The following CNTNAP5 variants were observed in gnomAD, a reference collection of about 807,000 sequenced individuals.
The protein encoded by CNTNAP5 is contactin-associated protein-like 5.
In CNTNAP5, 72 loss-of-function variants were observed where a neutral mutation model predicts 150.2. The observed-to-expected ratio is 0.48, with a 90% confidence interval of 0.40 to 0.58. The LOEUF is 0.58. CNTNAP5 is among the 20% of genes least tolerant of loss of function. The pLI is 0.00. For missense variants in CNTNAP5, 1,636 were observed against 1,626.2 expected, an observed-to-expected ratio of 1.01 and a Z score of -0.10; for synonymous variants, 672 against 619.8, an observed-to-expected ratio of 1.08 and a Z score of -1.25.
intron 14 of CNTNAP5, among the ~76,000 whole-genome samples, chr2:124,748,419 C>T (rs1035451998): frequency 6.6e-6 from 1 of 152,100 alleles, no homozygotes; most frequent in African/African-American, 2.4e-5. Flanking sequence ...CTTTTATCCT[C>T]CAGGTGAACT....
At chr2:124,084,741 TA>T (rs1682638902) in intron 1 of CNTNAP5, among the ~76,000 whole-genome samples, 1 of 152,028 alleles carries the variant, frequency 6.6e-6, no homozygotes, top group African/African-American at 2.4e-5. Context: ...CATTCATGTG[TA>T]TATATCTTCA....
chr2:124,148,053 GC>G (rs1684297036), intron 1 of CNTNAP5, among the ~76,000 whole-genome samples: 1 of 152,180 alleles, frequency 6.6e-6, no homozygotes, highest in Admixed American at 6.5e-5. Flanking sequence ...CACTGCCCAT[GC>G]CTTGCCTCAC....
At chr2:124,128,841 C>A (rs1432002737) in intron 1 of CNTNAP5, among the ~76,000 whole-genome samples, 2 of 152,050 alleles carry the variant, frequency 1.3e-5, no homozygotes, top group Non-Finnish European at 2.9e-5. Context: ...TATTCTCACT[C>A]ATAGGTGGGA....
intron 1 of CNTNAP5, among the ~76,000 whole-genome samples, chr2:124,123,524 AC>A (rs1395651220): frequency 3.3e-5 from 5 of 152,160 alleles, no homozygotes; most frequent in African/African-American, 1.2e-4. Flanking sequence ...GCAGACTTAA[AC>A]GTCCCTGTCT....
intron 2 of CNTNAP5, among the ~76,000 whole-genome samples, chr2:124,228,946 A>G (rs1337305459): frequency 2.0e-5 from 3 of 152,134 alleles, no homozygotes; most frequent in Non-Finnish European, 4.4e-5. Context: ...ACTATTTCAC[A>G]CTGATGAGCT....
At chr2:124,592,617 A>C (rs1169865315) in intron 11 of CNTNAP5, among the ~76,000 whole-genome samples, 1 of 152,108 alleles carries the variant, frequency 6.6e-6, no homozygotes, top group Non-Finnish European at 1.5e-5. Context: ...CAAAAGATTG[A>C]CAACACTCCA....
chr2:124,357,081 G>C (rs1690032221), intron 3 of CNTNAP5, among the ~76,000 whole-genome samples: 1 of 152,002 alleles, frequency 6.6e-6, no homozygotes, highest in East Asian at 1.9e-4. Context: ...TTTTTCATGT[G>C]CTTTTGGCTG....
chr2:124,793,713 C>T (rs941996454), intron 18 of CNTNAP5, among the ~76,000 whole-genome samples: 1 of 152,020 alleles, frequency 6.6e-6, no homozygotes, highest in Non-Finnish European at 1.5e-5. Context: ...GTAGGGGGTC[C>T]AGCTTTAGTC....
intron 7 of CNTNAP5, among the ~76,000 whole-genome samples, chr2:124,490,256 C>T (rs1693986943): frequency 6.6e-6 from 1 of 151,280 alleles, no homozygotes; most frequent in Non-Finnish European, 1.5e-5. Flanking sequence ...ATTGCTTGAA[C>T]CAGGGAGGTG....
chr2:124,197,616 T>C (rs1165918028), intron 1 of CNTNAP5, among the ~76,000 whole-genome samples: 1 of 152,192 alleles, frequency 6.6e-6, no homozygotes, highest in Non-Finnish European at 1.5e-5. Flanking sequence ...TTCTTGGACA[T>C]GAGGTGTGTA....
chr2:124,304,076 C>T (rs1175959087), intron 3 of CNTNAP5, among the ~76,000 whole-genome samples: 2 of 152,038 alleles, frequency 1.3e-5, no homozygotes, highest in Admixed American at 6.6e-5. Context: ...TTTATTAATG[C>T]CAGGAACTAT....
chr2:124,328,464 A>AT (rs548211536), intron 3 of CNTNAP5, among the ~76,000 whole-genome samples: 263 of 152,226 alleles, frequency 1.7e-3, no homozygotes, highest in Middle Eastern at 0.01. Flanking sequence ...CAAAATCTCC[A>AT]TTTTTTGTCC....
At chr2:124,285,488 C>G (rs2104627859) in intron 3 of CNTNAP5, among the ~76,000 whole-genome samples, 1 of 152,186 alleles carries the variant, frequency 6.6e-6, no homozygotes, top group East Asian at 1.9e-4. Context: ...TTCTGTCTTT[C>G]TACGTGCTCA....
At chr2:124,243,572 G>A (rs528376437) in intron 3 of CNTNAP5, among the ~76,000 whole-genome samples, 14 of 152,190 alleles carry the variant, frequency 9.2e-5, no homozygotes, top group East Asian at 5.8e-4. Flanking sequence ...TATAAAGGGC[G>A]TAAGTTTTCT....
chr2:124,335,628 G>C (rs1689450132), intron 3 of CNTNAP5, among the ~76,000 whole-genome samples: 1 of 150,234 alleles, frequency 6.7e-6, no homozygotes, highest in African/African-American at 2.5e-5. Flanking sequence ...CCATACAAAT[G>C]TTTTTCTCCT....
chr2:124,028,291 G>A (rs1308888287), intron 1 of CNTNAP5, among the ~76,000 whole-genome samples: 1 of 92,410 alleles, frequency 1.1e-5, no homozygotes, highest in East Asian at 3.2e-4. Flanking sequence ...TTGTTACTAT[G>A]GTGTGGTGTG....
At chr2:124,079,950 A>G (rs1344724913) in intron 1 of CNTNAP5, among the ~76,000 whole-genome samples, 11 of 152,192 alleles carry the variant, frequency 7.2e-5, no homozygotes, top group Admixed American at 6.5e-4. Flanking sequence ...GAATAAATGA[A>G]TTGCTACTCA....
At position 124,177,939 on chromosome 2, in the gene CNTNAP5, TG is replaced by T. The variant is rs201869151; in HGVS notation, c.83-43763del. 8.1e-3 allele frequency among the ~76,000 whole-genome samples: 1,223 copies of T among 151,718 alleles called. 17 individuals carry two copies. Among genetic ancestry groups the T allele is most frequent in the African/African-American group, 0.027 (1,125 of 41,366 alleles). ...TCGTCTCACTGCAACCTCTGCCTCCTGGGTTCAAGCAATTCTCCTGCCTCAG... is the reference window on the plus strand; with the variant it reads ...TCGTCTCACTGCAACCTCTGCCTCCTGGTTCAAGCAATTCTCCTGCCTCAG... On this transcript the variant is annotated intron_variant, in intron 1 of 23. Transcript: ENST00000682447.
At chr2:124,486,788 TAA>T (rs1206805268) in intron 7 of CNTNAP5, among the ~76,000 whole-genome samples, 1 of 152,096 alleles carries the variant, frequency 6.6e-6, no homozygotes, top group Non-Finnish European at 1.5e-5. Context: ...ATATGCTCCA[TAA>T]AAAAATAGTG....
Sources: gnomAD v4.1 joint callset for allele counts (sites outside exome capture counted in the v4.1 genomes callset) on GRCh38, gnomAD v4.1.1 for gene constraint, MANE v1.5 for transcripts, NCBI Gene and HGNC (gene_info 2026-07-23, HGNC 2026-07-21) for gene names.